The following KDR variants were observed in gnomAD, a reference collection of about 807,000 sequenced individuals.
KDR encodes the protein kinase insert domain receptor, also known as vascular endothelial growth factor receptor 2.
Under a neutral mutation model 160.9 loss-of-function variants are expected in KDR, and 43 were observed. The ratio of observed to expected loss-of-function variants is 0.27; its 90% CI spans 0.21 to 0.34. KDR has a LOEUF of 0.34. Ranked by LOEUF, KDR falls within the 10% of genes least tolerant of loss-of-function variation. The probability of loss-of-function intolerance (pLI) is 1.00; values close to 1 mark genes in which losing one functional copy is unlikely to be tolerated. For synonymous variants in KDR, 617 were observed against 600.1 expected (o/e 1.03, Z -0.41); for missense variants, 1,469 against 1,666.4 (o/e 0.88, Z 2.06).
chr4:55,123,375 G>T (rs529734096), intron 1 of KDR, among the ~76,000 whole-genome samples: 1 of 152,028 alleles, frequency 6.6e-6, no homozygotes, highest in South Asian at 2.1e-4. Context: ...GTGCCCACTC[G>T]GCTACCAAAA....
At chr4:55,098,602 A>G in intron 16 of KDR, 95 bp downstream of exon 16, 1 of 959,198 alleles carries the variant, frequency 1.0e-6, no homozygotes, top group Non-Finnish European at 1.7e-6. Flanking sequence ...CATTGAGCCA[A>G]TAACAATGGG....
intron 18 of KDR, among the ~76,000 whole-genome samples, chr4:55,097,006 A>C (rs1181369416): frequency 1.3e-5 from 2 of 152,208 alleles, no homozygotes; most frequent in Non-Finnish European, 2.9e-5. Flanking sequence ...AAATGCACAA[A>C]ACCTATTGGC....
chr4:55,113,286 T>C lies in KDR; in HGVS notation c.976+18A>G, dbSNP rs760227693. The C allele has an allele frequency of 2.5e-6, 4 of 1,612,802 alleles. No individual in the cohort carries two copies. The East Asian group carries it at 8.9e-5, about 36-fold the overall frequency. On this transcript the variant is annotated intron_variant, in intron 7 of 29. Coordinates refer to ENST00000263923, the MANE Select transcript of KDR (RefSeq NM_002253.4). Reference sequence around the variant, plus strand: ...TCACTTGTCAAGGCACAGAATAATTTCCAAGACCATAGCTTACCATGGACC... The same window carrying C: ...TCACTTGTCAAGGCACAGAATAATTCCCAAGACCATAGCTTACCATGGACC...
rs1720340361 is a variant in KDR at position 55,102,489 on chromosome 4, G to A, written c.2007C>T (p.Ile669=). 6.2e-7 allele frequency: 1 copy of A among 1,613,758 alleles called. No individual in the cohort carries two copies. Among genetic ancestry groups the A allele is most frequent in the East Asian group, 2.2e-5 (1 of 44,866 alleles). ...LTVLERVAPT[I]TGNLENQTTS... ...TCGTCTGATTCTCCAGGTTTCCTGT[G>A]ATCGTGGGTGCCACACGCTCTAGAC... Residue 669 remains isoleucine (I), a synonymous_variant, in exon 14 of 30, where the codon ATC becomes ATT. Coordinates refer to ENST00000263923, the MANE Select transcript of KDR (RefSeq NM_002253.4).
chr4:55,094,650 G>A, intron 21 of KDR, 152 bp downstream of exon 21: 2 of 810,126 alleles, frequency 2.5e-6, no homozygotes, highest in South Asian at 2.7e-5. Context: ...TGGGGAGACA[G>A]AATGGAGGCA....
intron 27 of KDR, among the ~76,000 whole-genome samples, chr4:55,084,681 G>C (rs1719815035): frequency 6.6e-6 from 1 of 152,158 alleles, no homozygotes; most frequent in Admixed American, 6.5e-5. Flanking sequence ...AGACACTAAA[G>C]CCCATGTGAA....
In KDR at chr4:55,082,594, C is replaced by T. The variant is rs377109088; in HGVS notation, c.3704G>A (p.Ser1235Asn). The T allele has an allele frequency of 5.3e-5, 86 of 1,613,890 alleles. No homozygotes were observed. The highest frequency in any genetic ancestry group is 1.6e-4 in the Middle Eastern group (1 of 6,084). ...QNSKRKSRPV[S>N]VKTFEDIPLE... ...CGGGATATCTTCAAATGTTTTTACA[C>T]TCACAGGCCGGCTCTTTCGCTTACT... The change falls in exon 28 of 30, where the codon AGT (serine) becomes AAT (asparagine). Residue 1235 changes from serine to asparagine, a missense_variant. Ser to Asn is a conservative substitution (Grantham distance 46, BLOSUM62 1). This residue lies in a region of KDR where 229 missense variants were observed against 197.8 expected (regional missense o/e 1.16). Transcript: ENST00000263923.
chr4:55,099,433 C>T (rs1412016525), intron 15 of KDR, among the ~76,000 whole-genome samples: 4 of 152,066 alleles, frequency 2.6e-5, no homozygotes, highest in Non-Finnish European at 5.9e-5. Flanking sequence ...AAAAGCCAAA[C>T]ATAGAAAGTG....
rs546252752 is a variant in KDR at position 55,115,952 on chromosome 4, T to C, written c.359-541A>G. ...AAACAGCTAACACTTTTGAATTTGG[T>C]TATTCAAGAGGACCATTCATGTGAG... On this transcript the variant is annotated intron_variant, in intron 3 of 29. Transcript: ENST00000263923. Among the ~76,000 whole-genome samples the C allele has an allele frequency of 1.2e-3, 185 of 152,328 alleles. 1 individual carries two copies. Among genetic ancestry groups the C allele is most frequent in the African/African-American group, 4.0e-3 (168 of 41,582 alleles).
chr4:55,081,863 C>G, intron 29 of KDR, 93 bp downstream of exon 29: 1 of 813,178 alleles, frequency 1.2e-6, no homozygotes, highest in Non-Finnish European at 2.2e-6. Context: ...AACAAAGACC[C>G]CATAGGGAAA....
In KDR at chr4:55,080,177, G is replaced by A; in HGVS notation, c.3849-14C>T. ...GGCACCATTCCACTGCAGAAGAAATGGCAAACAAAGGAGTTGGCAGAGAGA... is the reference window on the plus strand; with the variant it reads ...GGCACCATTCCACTGCAGAAGAAATAGCAAACAAAGGAGTTGGCAGAGAGA... On this transcript the variant is annotated splice_polypyrimidine_tract_variant and intron_variant, in intron 29 of 29. Coordinates refer to ENST00000263923, the MANE Select transcript of KDR (RefSeq NM_002253.4). The A allele has an allele frequency of 3.1e-6, 5 of 1,609,432 alleles. No homozygotes were observed. Among genetic ancestry groups the A allele is most frequent in the Non-Finnish European group, 4.2e-6 (5 of 1,177,122 alleles).
intron 7 of KDR, 79 bp downstream of exon 7, chr4:55,113,225 G>A (rs540021141): frequency 1.1e-5 from 15 of 1,427,118 alleles, no homozygotes; most frequent in African/African-American, 9.8e-5. Context: ...GAACAAAATA[G>A]GAATCACTAA....
In KDR at chr4:55,118,730, C is replaced by G. The variant is rs1368794839; in HGVS notation, c.232G>C (p.Glu78Gln). ...SGSEQRVEVT[E>Q]CSDGLFCKTL... ...TTACAGAAGAGGCCATCGCTGCACT[C>G]AGTCACCTCCACCCTTTGCTCACTG... is the stretch of plus-strand genomic sequence containing the variant. The change falls in exon 3 of 30, where the codon GAG becomes CAG. Residue 78 changes from glutamate (E) to glutamine (Q), a missense_variant. Coordinates refer to ENST00000263923, the MANE Select transcript of KDR (RefSeq NM_002253.4). The G allele has an allele frequency of 6.2e-7, 1 of 1,614,186 alleles. No homozygotes were observed. Among genetic ancestry groups the G allele is most frequent in the South Asian group, 1.1e-5 (1 of 91,084 alleles).
At chr4:55,106,137 G>C (rs1431802268) in intron 11 of KDR, among the ~76,000 whole-genome samples, 197 bp from the exon 12 acceptor site, 1 of 151,896 alleles carries the variant, frequency 6.6e-6, no homozygotes, top group African/African-American at 2.4e-5. Flanking sequence ...AAGTGGTTTG[G>C]ATTTTGGATT....
At chr4:55,092,240 T>A (rs750464416) in intron 22 of KDR, 2 of 295,860 alleles carry the variant, frequency 6.8e-6, no homozygotes, top group Non-Finnish European at 1.3e-5. Context: ...TATTTCCCCA[T>A]AGCATTTACT....
intron 12 of KDR, 42 bp downstream of exon 12, chr4:55,105,790 G>A: frequency 8.4e-7 from 1 of 1,185,104 alleles, no homozygotes; most frequent in South Asian, 1.2e-5. Flanking sequence ...AGTACCCACT[G>A]TGTGAGTGAT....
intron 22 of KDR, among the ~76,000 whole-genome samples, chr4:55,092,150 A>G (rs1258358849): frequency 6.6e-6 from 1 of 152,214 alleles, no homozygotes; most frequent in African/African-American, 2.4e-5. Context: ...TACCTTGTTT[A>G]AAGTAGATGT....
intron 16 of KDR, 58 bp downstream of exon 16, chr4:55,098,639 A>G (rs1720222572): frequency 7.9e-7 from 1 of 1,264,590 alleles, no homozygotes; most frequent in Non-Finnish European, 1.2e-6. Flanking sequence ...AACCCCAGTC[A>G]GTTTTCATTA....
intron 9 of KDR, among the ~76,000 whole-genome samples, chr4:55,109,778 C>T (rs1720530528): frequency 1.3e-5 from 2 of 152,180 alleles, no homozygotes. Flanking sequence ...CCCTTCTCCC[C>T]ACTCCATTCC....
Sources: gnomAD v4.1 joint callset for allele counts (sites outside exome capture counted in the v4.1 genomes callset) on GRCh38, gnomAD v4.1.1 for gene constraint, gnomAD v4.1.1 regional missense constraint, MANE v1.5 for transcripts, NCBI Gene and HGNC (gene_info 2026-07-23, HGNC 2026-07-21) for gene names.